The following WWOX variants were observed in gnomAD, a reference collection of about 807,000 sequenced individuals.
WWOX encodes WW domain containing oxidoreductase, also known as WW domain-containing oxidoreductase.
In WWOX, 69 loss-of-function variants were observed where a neutral mutation model predicts 46.2. That is an observed-to-expected ratio of 1.49 (90% CI 1.23 to 1.82). The LOEUF (loss-of-function observed/expected upper bound fraction) is 1.82. WWOX is among the 40% of genes most tolerant of loss of function. WWOX has a pLI of 0.00. For synonymous variants in WWOX, 359 were observed against 202.6 expected (o/e 1.77, Z -6.56); for missense variants, 919 against 542.6 (o/e 1.69, Z -6.89).
At chr16:78,773,542 T>C (rs934115168) in intron 8 of WWOX, among the ~76,000 whole-genome samples, 1 of 152,218 alleles carries the variant, frequency 6.6e-6, no homozygotes, top group African/African-American at 2.4e-5. Context: ...GAAAACGCTG[T>C]TACTATTCTT....
At chr16:78,405,416 G>C (rs926178879) in intron 6 of WWOX, among the ~76,000 whole-genome samples, 104 of 152,284 alleles carry the variant, frequency 6.8e-4, no homozygotes, top group African/African-American at 2.4e-3. Context: ...CTGTCAAATT[G>C]TCGACATGTG....
intron 8 of WWOX, among the ~76,000 whole-genome samples, chr16:78,894,652 C>A (rs2044662339): frequency 6.6e-6 from 1 of 152,102 alleles, no homozygotes; most frequent in Non-Finnish European, 1.5e-5. Flanking sequence ...ACCTACCCAG[C>A]CTGCTTGTGT....
intron 8 of WWOX, among the ~76,000 whole-genome samples, chr16:78,563,814 A>G (rs1158765987): frequency 6.6e-6 from 1 of 152,156 alleles, no homozygotes; most frequent in African/African-American, 2.4e-5. Flanking sequence ...TGTCCCCTGC[A>G]TATGTACATC....
chr16:78,749,933 T>A lies in WWOX; in HGVS notation c.1056+317181T>A, dbSNP rs906078489. Among the ~76,000 whole-genome samples the A allele has an allele frequency of 3.9e-5, 6 of 152,314 alleles. 1 individual carries two copies. The East Asian group carries it at 9.7e-4, about 25-fold the overall frequency. On this transcript the variant is annotated intron_variant, in intron 8 of 8. Transcript: ENST00000566780. ...AATAGAAGGTCAGAGAGTAGACTTT[T>A]AAAAGTCTTGCACTGTTTACAAGTC...
intron 5 of WWOX, among the ~76,000 whole-genome samples, chr16:78,372,366 C>G (rs1020071914): frequency 6.6e-6 from 1 of 152,132 alleles, no homozygotes; most frequent in Non-Finnish European, 1.5e-5. Flanking sequence ...CCGTCTACCC[C>G]CCTGCTGCTC....
intron 8 of WWOX, among the ~76,000 whole-genome samples, chr16:78,960,070 T>C (rs1277030465): frequency 6.6e-6 from 1 of 152,210 alleles, no homozygotes; most frequent in Non-Finnish European, 1.5e-5. Flanking sequence ...ACAGACTAAA[T>C]GGCTACAGGT....
intron 8 of WWOX, among the ~76,000 whole-genome samples, chr16:78,932,181 C>G (rs983404296): frequency 6.6e-6 from 1 of 152,172 alleles, no homozygotes; most frequent in African/African-American, 2.4e-5. Context: ...GGCTTGACTC[C>G]CAGTCCTTCG....
chr16:78,243,190 C>G (rs1336125801), intron 5 of WWOX, among the ~76,000 whole-genome samples: 1 of 152,066 alleles, frequency 6.6e-6, no homozygotes, highest in South Asian at 2.1e-4. Context: ...TTTTATTGTT[C>G]TATAGTAATA....
chr16:78,743,160 A>G (rs2049271701), intron 8 of WWOX, among the ~76,000 whole-genome samples: 1 of 151,998 alleles, frequency 6.6e-6, no homozygotes. Flanking sequence ...CGTTATTGAT[A>G]TCAGTTCCCA....
In WWOX at chr16:78,678,185, G is replaced by T. The variant is rs370469481; in HGVS notation, c.1056+245433G>T. 4.6e-5 allele frequency among the ~76,000 whole-genome samples: 7 copies of T among 152,220 alleles called. No homozygotes were observed. In the East Asian group the frequency reaches 1.4e-3, roughly 29 times the overall value. ...GGGTCCTGAGTACCAGTGGCCTTACGTGGCATTTGGTAGATTACATGCTTA... is the reference window on the plus strand; with the variant it reads ...GGGTCCTGAGTACCAGTGGCCTTACTTGGCATTTGGTAGATTACATGCTTA... On this transcript the variant is annotated intron_variant, in intron 8 of 8. Coordinates refer to ENST00000566780, the MANE Select transcript of WWOX (RefSeq NM_016373.4).
Position 78,996,149 on chromosome 16 carries a change from T to A in WWOX, c.1057-215459T>A, listed in dbSNP as rs201790158. The A allele has an allele frequency of 2.7e-5, 24 of 888,112 alleles. No homozygotes were observed. The Admixed American group carries it at 8.4e-4, about 31-fold the overall frequency. 55.0% of individuals were successfully genotyped at this position (888,112 alleles called of 1,614,324 possible). On this transcript the variant is annotated intron_variant, in intron 8 of 8. Coordinates refer to ENST00000566780, the MANE Select transcript of WWOX (RefSeq NM_016373.4). The stretch of plus-strand genomic sequence containing the variant: ...CTCAGGCGTAGAATGTTCTTTTTTT[T>A]AATTTTTTTTTTAACGAAACTCACA...
At chr16:78,632,917 AG>A (rs1389714003) in intron 8 of WWOX, among the ~76,000 whole-genome samples, 1 of 151,982 alleles carries the variant, frequency 6.6e-6, no homozygotes, top group Non-Finnish European at 1.5e-5. Flanking sequence ...ATAGAAAGGT[AG>A]GGCCATGTTG....
chr16:78,668,343 T>C (rs2047380894), intron 8 of WWOX, among the ~76,000 whole-genome samples: 1 of 152,170 alleles, frequency 6.6e-6, no homozygotes, highest in Non-Finnish European at 1.5e-5. Flanking sequence ...TTTTCTCCTG[T>C]TCGACTTGAC....
intron 8 of WWOX, among the ~76,000 whole-genome samples, chr16:79,075,363 C>G (rs922265074): frequency 2.0e-5 from 3 of 152,186 alleles, no homozygotes; most frequent in African/African-American, 7.2e-5. Context: ...TATGCTTCCA[C>G]CACCTTAACC....
chr16:79,093,947 C>G (rs1373654781), intron 8 of WWOX, among the ~76,000 whole-genome samples: 3 of 152,272 alleles, frequency 2.0e-5, no homozygotes, highest in East Asian at 3.9e-4. Flanking sequence ...CCAGAGCCTT[C>G]TATCACTTAG....
At chr16:78,396,207 T>C (rs909657222) in intron 6 of WWOX, among the ~76,000 whole-genome samples, 5 of 152,200 alleles carry the variant, frequency 3.3e-5, no homozygotes, top group African/African-American at 1.2e-4. Flanking sequence ...TAGCAGTTTT[T>C]TGATAACTTT....
At chr16:78,649,789 C>T (rs2046925245) in intron 8 of WWOX, among the ~76,000 whole-genome samples, 1 of 152,178 alleles carries the variant, frequency 6.6e-6, no homozygotes, top group Non-Finnish European at 1.5e-5. Flanking sequence ...GAAAACCTTA[C>T]ACTTAAATAC....
At chr16:78,423,815 C>T (rs1043208067) in intron 6 of WWOX, among the ~76,000 whole-genome samples, 2 of 147,884 alleles carry the variant, frequency 1.4e-5, no homozygotes, top group African/African-American at 5.0e-5. Context: ...CACTGCACTC[C>T]AGCCTGGATG....
intron 8 of WWOX, among the ~76,000 whole-genome samples, chr16:79,208,364 GA>G: frequency 7.2e-6 from 1 of 139,718 alleles, no homozygotes; most frequent in East Asian, 2.0e-4. Context: ...ACAGGCTTCT[GA>G]TAAATGATTG....
Sources: allele counts gnomAD v4.1 joint callset (sites outside exome capture counted in the v4.1 genomes callset), GRCh38; gene constraint gnomAD v4.1.1; transcripts MANE v1.5; gene names NCBI Gene and HGNC (gene_info 2026-07-23, HGNC 2026-07-21).